The following EPHA3 variants were observed in gnomAD, a reference collection of about 807,000 sequenced individuals.
EPHA3 encodes ephrin type-A receptor 3.
Under a neutral mutation model 107.1 loss-of-function variants are expected in EPHA3, and 42 were observed. That is an observed-to-expected ratio of 0.39 (90% CI 0.31 to 0.51). The LOEUF is 0.51. Among genes scored for constraint, EPHA3 ranks in the 20% least tolerant of loss-of-function variants. EPHA3 has a pLI of 0.78. For synonymous variants in EPHA3, 461 were observed against 424.8 expected (o/e 1.09, Z -1.05); for missense variants, 1,183 against 1,211.2 (o/e 0.98, Z 0.35).
At chr3:89,199,194 A>G (rs1161482813) in intron 2 of EPHA3, among the ~76,000 whole-genome samples, 1 of 152,166 alleles carries the variant, frequency 6.6e-6, no homozygotes, top group Non-Finnish European at 1.5e-5. Flanking sequence ...CTTGTATTGA[A>G]TATATTAATG....
At chr3:89,342,279 G>T (rs555464136) in intron 5 of EPHA3, among the ~76,000 whole-genome samples, 189 bp downstream of exon 5, 1 of 152,130 alleles carries the variant, frequency 6.6e-6, no homozygotes, top group African/African-American at 2.4e-5. Context: ...AACCATATTT[G>T]TTAGGTGATT....
chr3:89,393,276 C>A (rs542058393), intron 5 of EPHA3, among the ~76,000 whole-genome samples: 1 of 152,304 alleles, frequency 6.6e-6, no homozygotes, highest in African/African-American at 2.4e-5. Context: ...TACAGTCCAA[C>A]AGGGTCCTGC....
chr3:89,442,655 T>C (rs545174461), intron 13 of EPHA3, among the ~76,000 whole-genome samples: 1 of 152,172 alleles, frequency 6.6e-6, no homozygotes, highest in African/African-American at 2.4e-5. Flanking sequence ...GTTCCCATCA[T>C]GTGCAAAGAA....
chr3:89,117,507 G>T (rs893874670), intron 1 of EPHA3, among the ~76,000 whole-genome samples: 11 of 152,062 alleles, frequency 7.2e-5, no homozygotes, highest in African/African-American at 2.7e-4. Context: ...AGTCTGGGAA[G>T]CTAATTTGCA....
chr3:89,145,011 A>G (rs1704506468), intron 2 of EPHA3, among the ~76,000 whole-genome samples: 1 of 151,784 alleles, frequency 6.6e-6, no homozygotes, highest in South Asian at 2.1e-4. Flanking sequence ...ATGATTTAAC[A>G]GGGTAAAAAT....
chr3:89,287,688 TAC>T (rs1167190719), intron 3 of EPHA3, among the ~76,000 whole-genome samples: 1 of 152,148 alleles, frequency 6.6e-6, no homozygotes, highest in African/African-American at 2.4e-5. Flanking sequence ...AATTTAGTAT[TAC>T]ATTTTTTAGA....
chr3:89,184,163 C>T (rs933176871), intron 2 of EPHA3, among the ~76,000 whole-genome samples: 3 of 151,960 alleles, frequency 2.0e-5, no homozygotes, highest in African/African-American at 7.2e-5. Context: ...TCCTCCTCAA[C>T]TTATTCTTAG....
chr3:89,309,391 G>C (rs1322651640), intron 3 of EPHA3, among the ~76,000 whole-genome samples: 1 of 152,248 alleles, frequency 6.6e-6, no homozygotes, highest in East Asian at 1.9e-4. Context: ...CTGGAAAAGA[G>C]ATTAACAAAT....
chr3:89,469,062 A>G (rs988044302), intron 15 of EPHA3, among the ~76,000 whole-genome samples: 1 of 152,176 alleles, frequency 6.6e-6, no homozygotes. Flanking sequence ...TTTATATAAT[A>G]TGGCCCAATC....
rs940935351 is a variant in EPHA3, at chr3:89,187,411, C to T, written c.154-22449C>T. ...AATACATATTTATTTATATATTATT[C>T]ATAAGTGTATAAAGCTATACATGTA... On this transcript the variant is annotated intron_variant, in intron 2 of 16. Coordinates refer to ENST00000336596, the MANE Select transcript of EPHA3 (RefSeq NM_005233.6). Among the ~76,000 whole-genome samples, 3 of 148,754 alleles carry T rather than the reference C, an allele frequency of 2.0e-5. No homozygotes were observed. The Admixed American group carries it at 2.0e-4, about 10-fold the overall frequency.
At chr3:89,413,299 C>T (rs751931132) in intron 10 of EPHA3, 33 bp downstream of exon 10, 9 of 1,610,074 alleles carry the variant, frequency 5.6e-6, no homozygotes, top group Non-Finnish European at 6.8e-6. Context: ...CAACTTAGTA[C>T]TGTATGTGAA....
chr3:89,154,668 T>C (rs1704760420), intron 2 of EPHA3, among the ~76,000 whole-genome samples: 2 of 151,592 alleles, frequency 1.3e-5, no homozygotes, highest in South Asian at 4.1e-4. Context: ...CACTCTATCA[T>C]TTTGTAATTG....
intron 3 of EPHA3, among the ~76,000 whole-genome samples, chr3:89,253,054 T>C (rs1705200640): frequency 6.6e-6 from 1 of 151,934 alleles, no homozygotes; most frequent in African/African-American, 2.4e-5. Context: ...TAGAGAAAGA[T>C]TTATGCATTG....
intron 5 of EPHA3, among the ~76,000 whole-genome samples, chr3:89,362,905 G>A (rs1370756499): frequency 1.3e-5 from 2 of 150,850 alleles, no homozygotes; most frequent in African/African-American, 2.4e-5. Context: ...ATTATAGTCT[G>A]GTGTATGTTT....
At chr3:89,413,355 T>C in intron 10 of EPHA3, 89 bp downstream of exon 10, 1 of 1,508,062 alleles carries the variant, frequency 6.6e-7, no homozygotes, top group Admixed American at 1.8e-5. Context: ...GCTAAAGAAA[T>C]GGGAATTTTC....
chr3:89,394,575 A>C (rs1241694058), intron 5 of EPHA3, among the ~76,000 whole-genome samples: 3 of 152,202 alleles, frequency 2.0e-5, no homozygotes, highest in African/African-American at 7.2e-5. Context: ...GCATCATGAA[A>C]GTTTCTATTA....
At chr3:89,195,110 A>T (rs904785318) in intron 2 of EPHA3, among the ~76,000 whole-genome samples, 65 of 151,576 alleles carry the variant, frequency 4.3e-4, no homozygotes, top group African/African-American at 1.4e-3. Context: ...TATGCATGTA[A>T]TTTTTTTTTC....
intron 1 of EPHA3, among the ~76,000 whole-genome samples, chr3:89,119,984 G>A (rs1707340925): frequency 2.0e-5 from 3 of 152,192 alleles, no homozygotes; most frequent in South Asian, 4.1e-4. Flanking sequence ...CCAGCCAACA[G>A]TCAAACTCTG....
intron 7 of EPHA3, 64 bp downstream of exon 7, chr3:89,399,544 T>C: frequency 6.3e-7 from 1 of 1,588,692 alleles, no homozygotes; most frequent in Non-Finnish European, 8.6e-7. Flanking sequence ...TGTCTGATCG[T>C]TTATTCTCAC....
Sources: allele counts gnomAD v4.1 joint callset (sites outside exome capture counted in the v4.1 genomes callset), GRCh38; gene constraint gnomAD v4.1.1; transcripts MANE v1.5; gene names NCBI Gene and HGNC (gene_info 2026-07-23, HGNC 2026-07-21).